CCDC102B: variants seen among roughly 807,000 people sequenced by gnomAD.
The protein encoded by CCDC102B is coiled-coil domain containing 102B.
In CCDC102B, 75 loss-of-function variants were observed where a neutral mutation model predicts 57.4. That is an observed-to-expected ratio of 1.31 (90% CI 1.08 to 1.58). The LOEUF is 1.58. Ranked by LOEUF, CCDC102B falls within the 40% of genes most tolerant of loss-of-function variation. The probability of loss-of-function intolerance (pLI) is 0.00; values close to 1 mark genes in which losing one functional copy is unlikely to be tolerated. For synonymous variants in CCDC102B, 206 were observed against 201.9 expected, an observed-to-expected ratio of 1.02 and a Z score of -0.17; for missense variants, 636 against 582.6, an observed-to-expected ratio of 1.09 and a Z score of -0.94.
chr18:68,967,581 A>G (rs2050197227), intron 6 of CCDC102B, among the ~76,000 whole-genome samples: 1 of 152,162 alleles, frequency 6.6e-6, no homozygotes, highest in Non-Finnish European at 1.5e-5. Flanking sequence ...TGTGTATTAC[A>G]TACTATCTTA....
At chr18:68,733,211 C>A (rs2032962433) in intron 2 of CCDC102B, among the ~76,000 whole-genome samples, 1 of 152,060 alleles carries the variant, frequency 6.6e-6, no homozygotes, top group South Asian at 2.1e-4. Context: ...GCCTTTCACA[C>A]ACACTCTCTT....
chr18:68,995,889 G>T (rs2051013279), intron 6 of CCDC102B, among the ~76,000 whole-genome samples: 1 of 152,268 alleles, frequency 6.6e-6, no homozygotes, highest in Non-Finnish European at 1.5e-5. Context: ...GCCAGCCCAT[G>T]AAAGCAGCCG....
Position 68,876,190 on chromosome 18 carries a change from ATATT to A in CCDC102B, c.1053+1412_1053+1415del, listed in dbSNP as rs2039440145. ...CAAAAAAGGAAGAAAGCACATATAG[ATATT>A]TATTTAATATTTAATCTTTAGTTCT... On this transcript the variant is annotated intron_variant, in intron 5 of 7. Coordinates refer to ENST00000360242, the MANE Select transcript of CCDC102B (RefSeq NM_024781.3). 1.3e-5 allele frequency among the ~76,000 whole-genome samples: 2 copies of A among 152,202 alleles called. 1 individual carries two copies. Among genetic ancestry groups the A allele is most frequent in the Admixed American group, 1.3e-4 (2 of 15,284 alleles).
At chr18:68,923,138 A>G (rs2041344371) in intron 6 of CCDC102B, among the ~76,000 whole-genome samples, 1 of 151,668 alleles carries the variant, frequency 6.6e-6, no homozygotes, top group Non-Finnish European at 1.5e-5. Context: ...GAAAACATAT[A>G]AATATAAACA....
chr18:69,023,766 T>C (rs532881386), intron 7 of CCDC102B, among the ~76,000 whole-genome samples: 1 of 152,092 alleles, frequency 6.6e-6, no homozygotes, highest in South Asian at 2.1e-4. Flanking sequence ...TATCATATTA[T>C]TTGCACCATG....
At position 68,913,246 on chromosome 18, in the gene CCDC102B, A is replaced by G. The variant is rs1232665330; in HGVS notation, c.1263+15818A>G. 3.3e-5 allele frequency among the ~76,000 whole-genome samples: 5 copies of G among 151,736 alleles called. No homozygotes were observed. In the East Asian group the frequency reaches 9.7e-4, roughly 29 times the overall value. ...AGAAAGCATCCATACATCAGTAACT[A>G]GAAAGAATCATCTCTTTGCTTTTTG... On this transcript the variant is annotated intron_variant, in intron 6 of 7. Coordinates refer to ENST00000360242, the MANE Select transcript of CCDC102B (RefSeq NM_024781.3).
intron 6 of CCDC102B, among the ~76,000 whole-genome samples, chr18:68,910,325 A>G (rs1820732768): frequency 6.6e-6 from 1 of 152,210 alleles, no homozygotes; most frequent in Admixed American, 6.5e-5. Context: ...GGATAGATCA[A>G]CAAAAATCAA....
At position 68,903,206 on chromosome 18, in the gene CCDC102B, C is replaced by T. The variant is rs2040512008; in HGVS notation, c.1263+5778C>T. Among the ~76,000 whole-genome samples the T allele has an allele frequency of 2.0e-5, 3 of 152,134 alleles. No individual in the cohort carries two copies. The South Asian group carries it at 6.2e-4, about 31-fold the overall frequency. The stretch of plus-strand genomic sequence containing the variant: ...AAAGCGTAATTCTGGAGTTAAATAT[C>T]TTCCCCTGGGCTTGAGAAATCAAAA... On this transcript the variant is annotated intron_variant, in intron 6 of 7. Coordinates refer to ENST00000360242, the MANE Select transcript of CCDC102B (RefSeq NM_024781.3).
At chr18:68,823,778 G>A (rs891475357) in intron 1 of CCDC102B, among the ~76,000 whole-genome samples, 3 of 152,018 alleles carry the variant, frequency 2.0e-5, no homozygotes, top group African/African-American at 7.2e-5. Context: ...ATCTCATTGT[G>A]GTTTCGATTT....
chr18:69,026,776 C>T (rs1244741065), intron 7 of CCDC102B, among the ~76,000 whole-genome samples: 1 of 152,190 alleles, frequency 6.6e-6, no homozygotes, highest in Non-Finnish European at 1.5e-5. Flanking sequence ...GCTGGGTATT[C>T]ATCTCTTATT....
intron 6 of CCDC102B, among the ~76,000 whole-genome samples, chr18:68,969,638 C>G (rs552864622): frequency 1.3e-5 from 2 of 152,046 alleles, no homozygotes; most frequent in African/African-American, 2.4e-5. Flanking sequence ...AGTGATAAAA[C>G]ATATGCCACA....
At chr18:69,017,074 T>G (rs1237310445) in intron 7 of CCDC102B, among the ~76,000 whole-genome samples, 1 of 99,038 alleles carries the variant, frequency 1.0e-5, no homozygotes, top group African/African-American at 2.7e-5. Flanking sequence ...TTAATAAGAT[T>G]TACTTTTAGT....
At chr18:68,847,394 TAA>T (rs1293339656) in intron 4 of CCDC102B, among the ~76,000 whole-genome samples, 1 of 150,460 alleles carries the variant, frequency 6.6e-6, no homozygotes, top group African/African-American at 2.4e-5. Flanking sequence ...AGCTAATATT[TAA>T]GATGCAATTA....
chr18:68,790,825 G>C (rs1414965928), intron 2 of CCDC102B, among the ~76,000 whole-genome samples: 2 of 152,198 alleles, frequency 1.3e-5, no homozygotes, highest in South Asian at 4.1e-4. Context: ...GACCGGAGCT[G>C]TTCCTATTCA....
intron 2 of CCDC102B, among the ~76,000 whole-genome samples, chr18:68,784,558 A>G (rs999230416): frequency 6.6e-6 from 1 of 152,196 alleles, no homozygotes; most frequent in Non-Finnish European, 1.5e-5. Context: ...TAAATGTAAT[A>G]CTTTAGAAAT....
In CCDC102B at chr18:68,837,107, G is replaced by A. The variant is rs772524331; in HGVS notation, c.344G>A (p.Ser115Asn). The change falls in exon 2 of 8, where the codon AGT becomes AAT. Residue 115 changes from serine (S) to asparagine (N), a missense_variant. Transcript: ENST00000360242. ...KWSKVRAERN[S>N]AREEGRQLRI... ...AGTAAAGTTCGAGCTGAAAGGAACA[G>A]TGCCAGGGAGGAAGGAAGACAACTC... is the stretch of plus-strand genomic sequence containing the variant. 6.2e-7 allele frequency: 1 copy of A among 1,614,160 alleles called. No homozygotes were observed. The highest frequency in any genetic ancestry group is 8.5e-7 in the Non-Finnish European group (1 of 1,180,020).
chr18:68,909,212 G>C (rs1370244953), intron 6 of CCDC102B, among the ~76,000 whole-genome samples: 4 of 152,010 alleles, frequency 2.6e-5, no homozygotes, highest in Non-Finnish European at 4.4e-5. Context: ...GAAGAGTAAA[G>C]GAAAGAGGAA....
intron 1 of CCDC102B, among the ~76,000 whole-genome samples, chr18:68,823,077 G>C (rs1458286176): frequency 6.6e-6 from 1 of 152,102 alleles, no homozygotes; most frequent in Non-Finnish European, 1.5e-5. Flanking sequence ...GCAGGACCAG[G>C]CTCCATTTCA....
intron 2 of CCDC102B, among the ~76,000 whole-genome samples, chr18:68,782,390 A>G (rs2035035543): frequency 6.6e-6 from 1 of 152,136 alleles, no homozygotes; most frequent in African/African-American, 2.4e-5. Flanking sequence ...AAATGTAATG[A>G]TTTATTCCTT....
Sources: gnomAD v4.1 joint callset for allele counts (sites outside exome capture counted in the v4.1 genomes callset) on GRCh38, gnomAD v4.1.1 for gene constraint, MANE v1.5 for transcripts, NCBI Gene and HGNC (gene_info 2026-07-23, HGNC 2026-07-21) for gene names.